POT1: variants seen among roughly 807,000 people sequenced by gnomAD.
POT1 encodes protection of telomeres protein 1.
POT1 carries 47 observed loss-of-function variants against 78.5 expected under a neutral mutation model. The observed-to-expected ratio is 0.60, with a 90% CI of 0.47 to 0.76. The LOEUF (loss-of-function observed/expected upper bound fraction) is 0.76, where lower values mean the gene tolerates loss of function less well. POT1 is among the 30% of genes least tolerant of loss of function. POT1 has a pLI of 0.00. For missense variants in POT1, 646 were observed against 749.9 expected, an observed-to-expected ratio of 0.86 and a Z score of 1.62; for synonymous variants, 259 against 260.7, an observed-to-expected ratio of 0.99 and a Z score of 0.06.
intron 15 of POT1, among the ~76,000 whole-genome samples, chr7:124,830,945 G>T (rs143001766): frequency 9.7e-4 from 147 of 152,216 alleles, no homozygotes; most frequent in Non-Finnish European, 1.8e-3. Context: ...ATGTATGTGC[G>T]CTCACACATG....
At chr7:124,913,001 C>A (rs149328478) in intron 3 of POT1, among the ~76,000 whole-genome samples, 1 of 152,078 alleles carries the variant, frequency 6.6e-6, no homozygotes, top group Non-Finnish European at 1.5e-5. Context: ...ATAATCAAGG[C>A]GGAAGGCAAG....
chr7:124,917,538 C>G (rs1005623341), intron 2 of POT1, among the ~76,000 whole-genome samples: 2 of 152,104 alleles, frequency 1.3e-5, no homozygotes, highest in Admixed American at 1.3e-4. Flanking sequence ...AAAAACTACC[C>G]CAGTCTCCAC....
Position 124,864,876 on chromosome 7 carries a change from G to A in POT1, c.256-1236C>T, listed in dbSNP as rs886230321. ...ACGGAAAGAAAAACATTGTGTTTAC[G>A]TATTTGCTATTTTTTTCCATCATTT... is the stretch of plus-strand genomic sequence containing the variant. On this transcript the variant is annotated intron_variant, in intron 7 of 18. Coordinates refer to ENST00000357628, the MANE Select transcript of POT1 (RefSeq NM_015450.3). Among the ~76,000 whole-genome samples, 5 of 152,114 alleles carry A rather than the reference G, an allele frequency of 3.3e-5. No individual in the cohort carries two copies. In the East Asian group the frequency reaches 5.8e-4, roughly 18 times the overall value.
At position 124,863,554 on chromosome 7, in the gene POT1, G is replaced by C. The variant is rs989904335; in HGVS notation, c.342C>G (p.Ile114Met). The change falls in exon 8 of 19, where the codon ATC becomes ATG. Residue 114 changes from isoleucine to methionine, a missense_variant. Around this residue, in one of 2 missense-constraint regions of POT1, gnomAD observed 252 missense variants for 341.4 expected, o/e 0.74. Coordinates refer to ENST00000357628, the MANE Select transcript of POT1 (RefSeq NM_015450.3). ...LTFEGTLGAP[I>M]IPRTSSKYFN... Reference sequence around the variant, plus strand: ...AATACTTGCTTGAAGTGCGAGGTATGATAGGGGCTCCCAAAGTTCCCTCAA... The same window carrying C: ...AATACTTGCTTGAAGTGCGAGGTATCATAGGGGCTCCCAAAGTTCCCTCAA... 7 of 1,613,762 alleles carry C rather than the reference G, an allele frequency of 4.3e-6. No individual in the cohort carries two copies. Among genetic ancestry groups the C allele is most frequent in the Non-Finnish European group, 5.9e-6 (7 of 1,179,830 alleles).
intron 3 of POT1, among the ~76,000 whole-genome samples, chr7:124,912,322 C>T (rs1168621633): frequency 1.3e-5 from 2 of 151,830 alleles, no homozygotes; most frequent in African/African-American, 2.4e-5. Flanking sequence ...ATACCCTGAG[C>T]CTCTCCTTGA....
intron 18 of POT1, among the ~76,000 whole-genome samples, 190 bp from the exon 19 acceptor site, chr7:124,824,264 T>C (rs1220318826): frequency 6.6e-6 from 1 of 151,862 alleles, no homozygotes; most frequent in Non-Finnish European, 1.5e-5. Flanking sequence ...TGTTATTGTT[T>C]TGGAGCAATT....
intron 2 of POT1, among the ~76,000 whole-genome samples, chr7:124,926,260 C>T (rs989287836): frequency 2.0e-5 from 3 of 152,162 alleles, no homozygotes; most frequent in Middle Eastern, 3.4e-3. Flanking sequence ...CCCAAATAAG[C>T]CCATTAAAAA....
intron 5 of POT1, among the ~76,000 whole-genome samples, chr7:124,895,561 C>A (rs1198823893): frequency 1.4e-5 from 1 of 70,142 alleles, no homozygotes; most frequent in Non-Finnish European, 3.1e-5. Context: ...GTCCTTCCTT[C>A]ATTCATTCAT....
chr7:124,901,339 C>T (rs1796614008), intron 3 of POT1, among the ~76,000 whole-genome samples: 1 of 152,192 alleles, frequency 6.6e-6, no homozygotes, highest in African/African-American at 2.4e-5. Flanking sequence ...TGCTGTTCTG[C>T]AATATTTGCT....
intron 6 of POT1, among the ~76,000 whole-genome samples, chr7:124,885,683 G>A (rs933779705): frequency 6.6e-6 from 1 of 151,832 alleles, no homozygotes; most frequent in Non-Finnish European, 1.5e-5. Flanking sequence ...GGAGAATGGC[G>A]TGAACCCAGG....
At chr7:124,856,475 C>T (rs1795449808) in intron 9 of POT1, among the ~76,000 whole-genome samples, 1 of 152,146 alleles carries the variant, frequency 6.6e-6, no homozygotes, top group African/African-American at 2.4e-5. Context: ...CTCATATCAC[C>T]CTCTAGTGGG....
At chr7:124,842,411 G>T (rs1439908665) in intron 13 of POT1, among the ~76,000 whole-genome samples, 1 of 151,892 alleles carries the variant, frequency 6.6e-6, no homozygotes, top group Non-Finnish European at 1.5e-5. Context: ...AAGCAGGACA[G>T]AAGTTTACCA....
chr7:124,846,149 A>G (rs545289932), intron 12 of POT1, among the ~76,000 whole-genome samples: 4 of 129,352 alleles, frequency 3.1e-5, no homozygotes, highest in African/African-American at 1.1e-4. Flanking sequence ...ACATATGAAC[A>G]CACATTCATA....
At chr7:124,843,109 C>T in intron 12 of POT1, 146 bp from the exon 13 acceptor site, 1 of 565,382 alleles carries the variant, frequency 1.8e-6, no homozygotes, top group Non-Finnish European at 2.8e-6. Flanking sequence ...TGTCTTTATT[C>T]CCTGATGTAT....
At chr7:124,874,867 G>A (rs1795953166) in intron 6 of POT1, among the ~76,000 whole-genome samples, 1 of 151,506 alleles carries the variant, frequency 6.6e-6, no homozygotes, top group Non-Finnish European at 1.5e-5. Flanking sequence ...GGAATGGGAA[G>A]GGAAAGGGAG....
intron 7 of POT1, among the ~76,000 whole-genome samples, chr7:124,870,546 C>T (rs959602067): frequency 4.6e-5 from 7 of 151,978 alleles, no homozygotes; most frequent in African/African-American, 1.7e-4. Flanking sequence ...TCTTTGTATA[C>T]ATTTTTTCTT....
At chr7:124,918,119 C>A (rs1797063075) in intron 2 of POT1, among the ~76,000 whole-genome samples, 1 of 152,214 alleles carries the variant, frequency 6.6e-6, no homozygotes, top group African/African-American at 2.4e-5. Context: ...CCAGCTCCTG[C>A]AGCTTGGATG....
intron 2 of POT1, among the ~76,000 whole-genome samples, chr7:124,919,162 T>C (rs746291511): frequency 2.0e-5 from 3 of 152,172 alleles, no homozygotes; most frequent in Non-Finnish European, 4.4e-5. Context: ...TTGAATACTG[T>C]AGGCAATTAT....
chr7:124,926,477 T>C (rs938001119), intron 2 of POT1, among the ~76,000 whole-genome samples: 3 of 152,190 alleles, frequency 2.0e-5, no homozygotes, highest in African/African-American at 7.2e-5. Flanking sequence ...TTATACACTG[T>C]CGGTGAGAAT....
Sources: allele counts gnomAD v4.1 joint callset (sites outside exome capture counted in the v4.1 genomes callset), GRCh38; gene constraint gnomAD v4.1.1; regional missense constraint gnomAD v4.1.1; transcripts MANE v1.5; gene names NCBI Gene and HGNC (gene_info 2026-07-23, HGNC 2026-07-21).